Variants in PISD observed in about 807,000 individuals in gnomAD.
PISD encodes the protein phosphatidylserine decarboxylase.
Under a neutral mutation model 43.5 loss-of-function variants are expected in PISD, and 31 were observed. The ratio of observed to expected loss-of-function variants is 0.71; its 90% confidence interval spans 0.54 to 0.96. PISD has a LOEUF of 0.96. PISD is among the 40% of genes least tolerant of loss of function. The probability of loss-of-function intolerance (pLI) is 0.00; values close to 1 mark genes in which losing one functional copy is unlikely to be tolerated. For synonymous variants in PISD, 259 were observed against 228.7 expected (o/e 1.13, Z -1.20); for missense variants, 523 against 548.4 (o/e 0.95, Z 0.46).
At chr22:31,650,416 G>A (rs981321609) in intron 2 of PISD, among the ~76,000 whole-genome samples, 1 of 151,908 alleles carries the variant, frequency 6.6e-6, no homozygotes, top group East Asian at 1.9e-4. Context: ...GTGCACATCT[G>A]TGTCCCAGCT....
intron 3 of PISD, among the ~76,000 whole-genome samples, chr22:31,641,931 A>G (rs891730641): frequency 1.7e-4 from 26 of 151,106 alleles, no homozygotes; most frequent in African/African-American, 6.2e-4. Context: ...AGGGGGAAAC[A>G]CTCCGATTGT....
At chr22:31,658,901 T>C (rs1029163685) in intron 1 of PISD, among the ~76,000 whole-genome samples, 1 of 151,070 alleles carries the variant, frequency 6.6e-6, no homozygotes, top group Non-Finnish European at 1.5e-5. Flanking sequence ...TTGCCCAGGC[T>C]GGAGTGCAGT....
intron 3 of PISD, among the ~76,000 whole-genome samples, chr22:31,639,998 C>A (rs1018711536): frequency 6.6e-6 from 1 of 152,100 alleles, no homozygotes; most frequent in Non-Finnish European, 1.5e-5. Flanking sequence ...GCCCTTGGTA[C>A]CCTGCAGAAA....
At chr22:31,640,796 G>T (rs1441085271) in intron 3 of PISD, among the ~76,000 whole-genome samples, 1 of 147,634 alleles carries the variant, frequency 6.8e-6, no homozygotes, top group East Asian at 2.0e-4. Flanking sequence ...GGCCAGGCTG[G>T]TCTTGAACTC....
Position 31,625,668 on chromosome 22 carries a change from C to T in PISD, c.322-3783G>A, listed in dbSNP as rs955048501. ...GGGCTGACCACCAGTCCCCTTGCCGCCACCTCTACTGCGAGGCCGCTGGAT... is the reference window on the plus strand; with the variant it reads ...GGGCTGACCACCAGTCCCCTTGCCGTCACCTCTACTGCGAGGCCGCTGGAT... On this transcript the variant is annotated intron_variant, in intron 3 of 7. Coordinates refer to ENST00000439502, the MANE Select transcript of PISD (RefSeq NM_001326411.2). 7.4e-6 allele frequency: 11 copies of T among 1,479,100 alleles called. No homozygotes were observed. In the Admixed American group the frequency reaches 7.9e-5, roughly 11 times the overall value. The allele number at this position is 1,479,100 out of a possible 1,614,324, so 91.6% of individuals were successfully genotyped here. A position where few individuals can be genotyped will look rare whatever the true frequency, so the allele number is the denominator to read the frequency against.
intron 3 of PISD, among the ~76,000 whole-genome samples, chr22:31,634,309 C>G (rs1452409552): frequency 6.6e-6 from 1 of 152,246 alleles, no homozygotes; most frequent in East Asian, 1.9e-4. Context: ...ATCAGCCTCC[C>G]CAACGTCTGG....
rs772989439 is a variant in PISD at position 31,648,229 on chromosome 22, G to A, written c.193C>T (p.Arg65Cys). Residue 65 changes from arginine (R) to cysteine (C), a missense_variant, in exon 3 of 8, where the codon CGT (arginine) becomes TGT (cysteine). Arg to Cys is a radical substitution (Grantham distance 180). Coordinates refer to ENST00000439502, the MANE Select transcript of PISD (RefSeq NM_001326411.2). The stretch of plus-strand genomic sequence containing the variant: ...GTCACCAACAGAATGGGCAGGGGAC[G>A]CAGCAGGAACATGGTTCGGGCAGGG... ...TAPARTMFLL[R>C]PLPILLVTGG... is the part of the protein sequence containing the mutation. The A allele has an allele frequency of 4.3e-6, 7 of 1,611,726 alleles. No homozygotes were observed. The highest frequency in any genetic ancestry group is 3.3e-5 in the Admixed American group (2 of 59,778).
chr22:31,653,485 C>T (rs565842073), intron 1 of PISD, among the ~76,000 whole-genome samples: 14 of 152,220 alleles, frequency 9.2e-5, no homozygotes, highest in African/African-American at 3.1e-4. Context: ...ATGTATCCAC[C>T]GTAACTGGAC....
chr22:31,631,607 G>A (rs982966939), intron 3 of PISD, among the ~76,000 whole-genome samples: 1 of 152,194 alleles, frequency 6.6e-6, no homozygotes, highest in Non-Finnish European at 1.5e-5. Context: ...TAGATCGGAG[G>A]GCCCTAGTCT....
chr22:31,626,198 G>C (rs1183610863), intron 3 of PISD: 1 of 346,370 alleles, frequency 2.9e-6, no homozygotes, highest in African/African-American at 2.2e-5. Context: ...GCTGGCCTGG[G>C]GAGGCAGTAG....
Position 31,630,790 on chromosome 22 carries a change from C to T in PISD, c.322-8905G>A, listed in dbSNP as rs755762349. The T allele has an allele frequency of 9.1e-6, 9 of 985,478 alleles. No individual in the cohort carries two copies. The highest frequency in any genetic ancestry group is 1.1e-5 in the Non-Finnish European group (9 of 830,074). 61.0% of individuals were successfully genotyped at this position (985,478 alleles called of 1,614,324 possible). ...GCTCCCGGCAGGGCCGGGGCGCCGG[C>T]TCCGCTCACTCACCCGCAGGTGGCT... On this transcript the variant is annotated intron_variant, in intron 3 of 7. Transcript: ENST00000439502. The surrounding 1 kb of genome is among the most constrained non-coding windows in gnomAD (Gnocchi z 4.4).
In PISD at chr22:31,655,076, C is replaced by CAAAAAAAAA. The variant is rs1038608958; in HGVS notation, c.66-4307_66-4299dup. Among the ~76,000 whole-genome samples the CAAAAAAAAA allele has an allele frequency of 3.5e-5, 2 of 57,114 alleles. 1 individual carries two copies. 37.5% of individuals were successfully genotyped at this position (57,114 alleles called of 152,430 possible). The stretch of plus-strand genomic sequence containing the variant: ...GGGTAACAGAGCAAGACTCTATCTC[C>CAAAAAAAAA]AAAAAAAAAAAAAAAAAAAAAAAAG... On this transcript the variant is annotated intron_variant, in intron 1 of 7. Coordinates refer to ENST00000439502, the MANE Select transcript of PISD (RefSeq NM_001326411.2).
In PISD at chr22:31,621,807, A is replaced by C. The variant is rs1355035157; in HGVS notation, c.400T>G (p.Trp134Gly). 5 of 1,613,690 alleles carry C rather than the reference A, an allele frequency of 3.1e-6. No homozygotes were observed. The highest frequency in any genetic ancestry group is 4.2e-6 in the Non-Finnish European group (5 of 1,180,042). Residue 134 changes from tryptophan (W) to glycine (G), a missense_variant, in exon 4 of 8, where the codon TGG becomes GGG. Transcript: ENST00000439502. ...AGGCTGTAGACGGGCCTGCGCAGCC[A>C]GTGTGGCAGCTCCACCTGATTGAGG... ...GRLNQVELPH[W>G]LRRPVYSLYI...
Position 31,619,541 on chromosome 22 carries a change from G to A in PISD, c.*71C>T. ...GGCCCTTACCTGGATGGCCTCATGG[G>A]CCTCCCTCTTGAAAAGACCCTCACT... On this transcript the variant is annotated 3_prime_UTR_variant, in exon 8 of 8. Transcript: ENST00000439502. 1.5e-6 allele frequency: 2 copies of A among 1,307,962 alleles called. No individual in the cohort carries two copies. The highest frequency in any genetic ancestry group is 1.1e-6 in the Non-Finnish European group (1 of 912,656). The allele number at this position is 1,307,962 out of a possible 1,614,324, so 81.0% of individuals were successfully genotyped here.
At chr22:31,629,276 A>C (rs2073073162) in intron 3 of PISD, 1 of 963,118 alleles carries the variant, frequency 1.0e-6, no homozygotes, top group Non-Finnish European at 1.2e-6. Context: ...TGCATGGAGG[A>C]TACGTGTGCA....
chr22:31,629,383 A>T (rs1300561128), intron 3 of PISD: 3 of 162,908 alleles, frequency 1.8e-5, no homozygotes, highest in African/African-American at 5.7e-5. Context: ...TGTAGGTGTG[A>T]GTGTGTTATG....
chr22:31,641,838 T>C (rs1341838414), intron 3 of PISD, among the ~76,000 whole-genome samples: 2 of 150,686 alleles, frequency 1.3e-5, no homozygotes, highest in African/African-American at 5.0e-5. Context: ...ATAATAATAA[T>C]GATAAAATTT....
chr22:31,647,377 T>C (rs1309429803), intron 3 of PISD, among the ~76,000 whole-genome samples: 1 of 152,206 alleles, frequency 6.6e-6, no homozygotes, highest in African/African-American at 2.4e-5. Flanking sequence ...ATTAGCAAAA[T>C]GGAGTGGATC....
chr22:31,653,290 C>G (rs552859462), intron 1 of PISD, among the ~76,000 whole-genome samples: 23 of 152,174 alleles, frequency 1.5e-4, no homozygotes, highest in Non-Finnish European at 3.2e-4. Context: ...GCCTAAAACC[C>G]TGCTTTCTAA....
Sources: gnomAD v4.1 joint callset for allele counts (sites outside exome capture counted in the v4.1 genomes callset) on GRCh38, gnomAD v4.1.1 for gene constraint, Gnocchi (gnomAD v3.1) non-coding constraint, MANE v1.5 for transcripts, NCBI Gene and HGNC (gene_info 2026-07-23, HGNC 2026-07-21) for gene names.